RNF38: variants seen among roughly 807,000 people sequenced by gnomAD.
The protein encoded by RNF38 is E3 ubiquitin-protein ligase RNF38.
Under a neutral mutation model 67.2 loss-of-function variants are expected in RNF38, and 15 were observed. That is an observed-to-expected ratio of 0.22 (90% CI 0.15 to 0.34). The LOEUF (loss-of-function observed/expected upper bound fraction) is 0.34. Ranked by LOEUF, RNF38 falls within the 10% of genes least tolerant of loss-of-function variation. The pLI, the probability that RNF38 is intolerant of heterozygous loss-of-function variation, is 1.00. For synonymous variants in RNF38, 220 were observed against 218.8 expected, an observed-to-expected ratio of 1.01 and a Z score of -0.05; for missense variants, 524 against 639.9, an observed-to-expected ratio of 0.82 and a Z score of 1.95.
intron 4 of RNF38, among the ~76,000 whole-genome samples, chr9:36,366,229 A>AT (rs1390235959): frequency 6.6e-6 from 1 of 152,208 alleles, no homozygotes; most frequent in African/African-American, 2.4e-5. Flanking sequence ...AGAACACTTA[A>AT]TTAGCCACAA....
intron 2 of RNF38, among the ~76,000 whole-genome samples, chr9:36,415,549 T>A (rs1037897669): frequency 3.9e-5 from 6 of 152,136 alleles, no homozygotes; most frequent in Admixed American, 2.0e-4. Context: ...CCCCTAGGGA[T>A]GAGGTTCCTG....
intron 2 of RNF38, 127 bp from the exon 3 acceptor site, chr9:36,376,254 T>C (rs1305483097): frequency 4.6e-6 from 3 of 650,340 alleles, no homozygotes; most frequent in African/African-American, 3.8e-5. Context: ...AAAAAATATA[T>C]GCTATCAATT....
At chr9:36,355,310 G>GTC (rs1295511827) in intron 6 of RNF38, among the ~76,000 whole-genome samples, 1 of 152,156 alleles carries the variant, frequency 6.6e-6, no homozygotes, top group Non-Finnish European at 1.5e-5. Flanking sequence ...TCTCCTTAAT[G>GTC]TCTGATGGTC....
At chr9:36,358,400 A>G (rs1834282743) in intron 4 of RNF38, among the ~76,000 whole-genome samples, 1 of 152,238 alleles carries the variant, frequency 6.6e-6, no homozygotes, top group South Asian at 2.1e-4. Context: ...CCTGCCACCC[A>G]GAGGCAAACG....
intron 1 of RNF38, among the ~76,000 whole-genome samples, chr9:36,480,937 C>A (rs1470186733): frequency 6.6e-6 from 1 of 151,942 alleles, no homozygotes; most frequent in East Asian, 1.9e-4. Context: ...CCAAAACTCA[C>A]AATATCTCAC....
intron 2 of RNF38, 57 bp from the exon 3 acceptor site, chr9:36,376,184 C>T: frequency 6.1e-6 from 8 of 1,307,046 alleles, no homozygotes; most frequent in African/African-American, 1.5e-5. Context: ...TTTCACATTA[C>T]TGCATATGCA....
At chr9:36,412,083 C>A (rs1838341183) in intron 2 of RNF38, among the ~76,000 whole-genome samples, 2 of 152,174 alleles carry the variant, frequency 1.3e-5, no homozygotes, top group African/African-American at 4.8e-5. Context: ...TATGCCACTC[C>A]TTTGCATAAA....
intron 1 of RNF38, among the ~76,000 whole-genome samples, chr9:36,431,341 C>T (rs970830087): frequency 1.3e-5 from 2 of 152,232 alleles, no homozygotes; most frequent in East Asian, 1.9e-4. Flanking sequence ...CTGTATAGCA[C>T]GTTACTGTAC....
chr9:36,434,410 G>A (rs1456256076), intron 1 of RNF38, among the ~76,000 whole-genome samples: 1 of 151,760 alleles, frequency 6.6e-6, no homozygotes, highest in African/African-American at 2.4e-5. Context: ...TTGAGATGGA[G>A]TTTTGCTCTT....
intron 4 of RNF38, among the ~76,000 whole-genome samples, chr9:36,363,048 A>C (rs1402192726): frequency 3.0e-5 from 3 of 99,446 alleles, no homozygotes; most frequent in African/African-American, 9.0e-5. Flanking sequence ...TCTATGAGAC[A>C]GGGGTCTTGC....
intron 1 of RNF38, among the ~76,000 whole-genome samples, chr9:36,481,240 CCT>C (rs1436656126): frequency 6.6e-6 from 1 of 151,774 alleles, no homozygotes; most frequent in African/African-American, 2.4e-5. Context: ...GTCTCAAACT[CCT>C]GAGCTCAGGT....
At chr9:36,399,643 C>T (rs761320482) in intron 1 of RNF38, among the ~76,000 whole-genome samples, 7 of 151,794 alleles carry the variant, frequency 4.6e-5, no homozygotes, top group Non-Finnish European at 7.4e-5. Flanking sequence ...CCCAGCTTCC[C>T]ACACCTGATC....
intron 2 of RNF38, among the ~76,000 whole-genome samples, chr9:36,387,769 C>T (rs1378382009): frequency 6.6e-6 from 1 of 151,986 alleles, no homozygotes; most frequent in Non-Finnish European, 1.5e-5. Flanking sequence ...GCAATGAGTA[C>T]ACAAAGCCAT....
intron 1 of RNF38, among the ~76,000 whole-genome samples, chr9:36,393,675 G>A (rs887109326): frequency 6.6e-6 from 1 of 152,044 alleles, no homozygotes; most frequent in East Asian, 1.9e-4. Context: ...GAGGAAAGAC[G>A]TTCAGATGTA....
At chr9:36,429,789 G>A (rs957207575) in intron 1 of RNF38, among the ~76,000 whole-genome samples, 3 of 152,032 alleles carry the variant, frequency 2.0e-5, no homozygotes, top group Admixed American at 6.6e-5. Context: ...GCAAGATTCC[G>A]TCTCAAGAAA....
intron 2 of RNF38, among the ~76,000 whole-genome samples, chr9:36,376,785 G>C (rs1376720412): frequency 6.6e-6 from 1 of 151,996 alleles, no homozygotes; most frequent in Non-Finnish European, 1.5e-5. Flanking sequence ...AATTAGCTGG[G>C]CGTGGTGGCA....
chr9:36,423,905 C>T (rs1296782377), intron 2 of RNF38, among the ~76,000 whole-genome samples: 2 of 24,454 alleles, frequency 8.2e-5, no homozygotes, highest in African/African-American at 2.7e-4. Flanking sequence ...GCCGAGATTG[C>T]GCCACTGCAC....
chr9:36,455,605 A>T (rs1839570136), intron 1 of RNF38, among the ~76,000 whole-genome samples: 1 of 151,752 alleles, frequency 6.6e-6, no homozygotes, highest in South Asian at 2.1e-4. Flanking sequence ...AGATGGTGAA[A>T]CCCCGTCTCT....
chr9:36,364,353 A>G (rs1218207236), intron 4 of RNF38, among the ~76,000 whole-genome samples: 8 of 152,186 alleles, frequency 5.3e-5, no homozygotes, highest in Non-Finnish European at 1.0e-4. Context: ...TAACTATGTT[A>G]TTGGTCAACA....
Sources: gnomAD v4.1 joint callset for allele counts (sites outside exome capture counted in the v4.1 genomes callset) on GRCh38, gnomAD v4.1.1 for gene constraint, MANE v1.5 for transcripts, NCBI Gene and HGNC (gene_info 2026-07-23, HGNC 2026-07-21) for gene names.